Variants in PRKG1 observed in about 807,000 individuals in gnomAD.
PRKG1 encodes protein kinase cGMP-dependent 1.
Under a neutral mutation model 88.1 loss-of-function variants are expected in PRKG1, and 35 were observed. That is an observed-to-expected ratio of 0.40 (90% confidence interval 0.30 to 0.53). The LOEUF (loss-of-function observed/expected upper bound fraction) is 0.53. Ranked by LOEUF, PRKG1 falls within the 20% of genes least tolerant of loss-of-function variation. PRKG1 has a pLI of 0.59. For missense variants in PRKG1, 540 were observed against 839.8 expected (o/e 0.64, Z 4.41); for synonymous variants, 303 against 292.5 (o/e 1.04, Z -0.37).
intron 1 of PRKG1, chr10:51,148,269 T>C (rs910042813): frequency 1.0e-6 from 1 of 985,112 alleles, no homozygotes; most frequent in African/African-American, 1.7e-5. Flanking sequence ...CCAAGGTGAC[T>C]GTGAAAATCA....
intron 1 of PRKG1, among the ~76,000 whole-genome samples, chr10:51,131,764 G>T (rs985923195): frequency 4.6e-5 from 7 of 152,030 alleles, no homozygotes; most frequent in Admixed American, 3.9e-4. Context: ...CTTTCATTGA[G>T]TGCCTACAAA....
chr10:51,086,131 A>C (rs1361246445), intron 1 of PRKG1, among the ~76,000 whole-genome samples: 1 of 152,244 alleles, frequency 6.6e-6, no homozygotes, highest in African/African-American at 2.4e-5. Flanking sequence ...ACTGAATGGC[A>C]TACAAATAAG....
intron 5 of PRKG1, among the ~76,000 whole-genome samples, chr10:51,994,737 T>A (rs559150909): frequency 6.6e-6 from 1 of 152,260 alleles, no homozygotes; most frequent in African/African-American, 2.4e-5. Context: ...TCTTCATATA[T>A]TTGAAACATG....
intron 1 of PRKG1, among the ~76,000 whole-genome samples, chr10:51,038,487 C>T (rs1843381093): frequency 1.3e-5 from 2 of 152,186 alleles, no homozygotes; most frequent in South Asian, 4.1e-4. Flanking sequence ...TCCCAAGCCC[C>T]TCCTCAGTCT....
chr10:51,554,050 ATGTGATACGTGTATATATTATATGTG>A (rs1393054532), intron 3 of PRKG1, among the ~76,000 whole-genome samples: 9 of 135,702 alleles, frequency 6.6e-5, no homozygotes, highest in South Asian at 2.3e-4. Flanking sequence ...ATATGTGCGT[ATGTGATACGTGTATATATTATATGTG>A]CGTATGTGAT....
intron 4 of PRKG1, among the ~76,000 whole-genome samples, chr10:51,852,377 G>C (rs535178974): frequency 1.1e-3 from 166 of 146,258 alleles, no homozygotes; most frequent in Middle Eastern, 3.5e-3. Flanking sequence ...CACACACATA[G>C]AGAGAGAGAG....
intron 3 of PRKG1, among the ~76,000 whole-genome samples, chr10:51,632,885 T>C (rs1839562812): frequency 6.6e-6 from 1 of 152,214 alleles, no homozygotes; most frequent in South Asian, 2.1e-4. Context: ...ACAGTAGTTT[T>C]CTTGGTTCCA....
chr10:51,224,071 G>A (rs1416318247), intron 2 of PRKG1, among the ~76,000 whole-genome samples: 1 of 152,184 alleles, frequency 6.6e-6, no homozygotes, highest in Non-Finnish European at 1.5e-5. Flanking sequence ...GAACCATGGA[G>A]TGGGAAAATA....
chr10:51,276,419 A>G (rs1840119657), intron 2 of PRKG1, among the ~76,000 whole-genome samples: 1 of 152,216 alleles, frequency 6.6e-6, no homozygotes, highest in Admixed American at 6.5e-5. Flanking sequence ...GTGCCGCAAT[A>G]AACATACATG....
intron 5 of PRKG1, among the ~76,000 whole-genome samples, chr10:51,916,323 T>A (rs182298564): frequency 6.6e-6 from 1 of 152,326 alleles, no homozygotes; most frequent in African/African-American, 2.4e-5. Flanking sequence ...CTGGTCGTCC[T>A]CACTGCTATA....
In PRKG1 at chr10:51,710,243, A is replaced by T. The variant is rs557321665; in HGVS notation, c.593-94342A>T. Among the ~76,000 whole-genome samples, 5 of 152,314 alleles carry T rather than the reference A, an allele frequency of 3.3e-5. No homozygotes were observed. The South Asian group carries it at 1.0e-3, about 32-fold the overall frequency. The stretch of plus-strand genomic sequence containing the variant: ...TGTCAGACAAGATAGAGAATAGACG[A>T]TTTGAGCAGACAGCTTCCAAATGCA... On this transcript the variant is annotated intron_variant, in intron 3 of 17. Coordinates refer to ENST00000373980, the MANE Select transcript of PRKG1 (RefSeq NM_006258.4).
At chr10:51,152,052 C>A (rs886138096) in intron 1 of PRKG1, among the ~76,000 whole-genome samples, 1 of 152,064 alleles carries the variant, frequency 6.6e-6, no homozygotes, top group Non-Finnish European at 1.5e-5. Context: ...TTGCTTTCAT[C>A]TTATGTGGCT....
chr10:51,931,447 G>A (rs770428379), intron 5 of PRKG1, among the ~76,000 whole-genome samples: 12 of 151,984 alleles, frequency 7.9e-5, no homozygotes, highest in Non-Finnish European at 1.5e-4. Context: ...GACCCCCATC[G>A]CTATAAAGAA....
intron 3 of PRKG1, among the ~76,000 whole-genome samples, chr10:51,485,946 C>T (rs1253846372): frequency 2.0e-5 from 3 of 152,144 alleles, no homozygotes; most frequent in African/African-American, 4.8e-5. Context: ...CAACAGTTCT[C>T]ATTAGAACAA....
At chr10:51,772,120 A>G (rs1391505335) in intron 3 of PRKG1, among the ~76,000 whole-genome samples, 1 of 152,198 alleles carries the variant, frequency 6.6e-6, no homozygotes, top group African/African-American at 2.4e-5. Flanking sequence ...TAATTATAAC[A>G]TCAAGTTTTA....
In PRKG1 at chr10:51,074,637, A is replaced by G; in HGVS notation, c.47A>G (p.Glu16Gly). The G allele has an allele frequency of 6.2e-7, 1 of 1,614,096 alleles. No homozygotes were observed. Residue 16 changes from glutamate (E) to glycine (G), a missense_variant, in exon 1 of 18, where the codon GAG (glutamate) becomes GGG (glycine). This residue lies in a region of PRKG1 where 15 missense variants were observed against 30.1 expected (regional missense o/e 0.50). Coordinates refer to ENST00000373980, the MANE Select transcript of PRKG1 (RefSeq NM_006258.4). ...CAGTACGCGCTCCAGGAGAAGATCG[A>G]GGAGCTGAGGCAGCGGGATGCTCTC... ...DLQYALQEKIEELRQRDALID... is the reference protein window; with the variant it reads ...DLQYALQEKIGELRQRDALID...
At chr10:51,842,680 G>T (rs1247984472) in intron 4 of PRKG1, among the ~76,000 whole-genome samples, 3 of 151,974 alleles carry the variant, frequency 2.0e-5, no homozygotes, top group African/African-American at 7.3e-5. Flanking sequence ...GTATGTATGT[G>T]CATACTATAT....
chr10:51,153,445 G>T (rs1846128794), intron 2 of PRKG1, 115 bp downstream of exon 2: 4 of 1,057,098 alleles, frequency 3.8e-6, no homozygotes, highest in East Asian at 2.8e-5. Context: ...CTTTTATTGA[G>T]AAATTAGTTT....
chr10:51,921,775 G>T (rs1240088567), intron 5 of PRKG1, among the ~76,000 whole-genome samples: 2 of 151,978 alleles, frequency 1.3e-5, no homozygotes, highest in South Asian at 2.1e-4. Context: ...CGTAGTCATG[G>T]TATATAATTC....
Sources: allele counts gnomAD v4.1 joint callset (sites outside exome capture counted in the v4.1 genomes callset), GRCh38; gene constraint gnomAD v4.1.1; regional missense constraint gnomAD v4.1.1; transcripts MANE v1.5; gene names NCBI Gene and HGNC (gene_info 2026-07-23, HGNC 2026-07-21).